GPC5: variants seen among roughly 807,000 people sequenced by gnomAD.
GPC5 encodes the protein glypican 5, also known as glypican-5.
A neutral mutation model predicts 53.9 loss-of-function variants in GPC5; 47 were observed. The ratio of observed to expected loss-of-function variants is 0.87; its 90% confidence interval spans 0.69 to 1.11. GPC5 has a LOEUF of 1.11. Among genes scored for constraint, GPC5 ranks in the 50% most tolerant of loss-of-function variants. The pLI, the probability that GPC5 is intolerant of heterozygous loss-of-function variation, is 0.00. For synonymous variants in GPC5, 286 were observed against 263.3 expected, an observed-to-expected ratio of 1.09 and a Z score of -0.84; for missense variants, 748 against 713.1, an observed-to-expected ratio of 1.05 and a Z score of -0.56.
intron 6 of GPC5, among the ~76,000 whole-genome samples, chr13:92,104,754 C>T (rs2041494703): frequency 6.6e-6 from 1 of 152,066 alleles, no homozygotes; most frequent in Admixed American, 6.6e-5. Flanking sequence ...GAGGTCCTTA[C>T]TGAGAGTTTT....
At chr13:92,577,210 C>T (rs1388282985) in intron 7 of GPC5, among the ~76,000 whole-genome samples, 1 of 152,026 alleles carries the variant, frequency 6.6e-6, no homozygotes, top group Non-Finnish European at 1.5e-5. Flanking sequence ...ACTTTGGTTC[C>T]CTTTACTTAG....
intron 7 of GPC5, among the ~76,000 whole-genome samples, chr13:92,161,543 G>T (rs1593946289): frequency 1.3e-5 from 2 of 152,076 alleles, no homozygotes; most frequent in African/African-American, 4.8e-5. Flanking sequence ...ATATTCAAAA[G>T]ATCAAAACTG....
intron 6 of GPC5, among the ~76,000 whole-genome samples, chr13:91,917,191 CA>C (rs1487614951): frequency 3.9e-5 from 6 of 152,134 alleles, no homozygotes; most frequent in Non-Finnish European, 7.3e-5. Context: ...ACACCCATTC[CA>C]AATGGGATAA....
At chr13:92,042,173 T>C (rs1157177763) in intron 6 of GPC5, among the ~76,000 whole-genome samples, 2 of 152,260 alleles carry the variant, frequency 1.3e-5, no homozygotes, top group South Asian at 4.1e-4. Context: ...CTTCCCCCCA[T>C]GCAGCCTCCA....
chr13:91,513,891 A>G (rs1203399322), intron 2 of GPC5, among the ~76,000 whole-genome samples: 1 of 152,194 alleles, frequency 6.6e-6, no homozygotes, highest in Non-Finnish European at 1.5e-5. Context: ...GGAATATTGT[A>G]TGAATGGAAT....
chr13:92,474,147 GTT>G (rs3064719), intron 7 of GPC5, among the ~76,000 whole-genome samples: 42,116 of 147,934 alleles, frequency 0.28, 6,300 homozygotes, highest in East Asian at 0.41. Context: ...CCATTGATCT[GTT>G]TTTTTTTTTT....
Position 91,760,555 on chromosome 13 carries a change from C to T in GPC5, c.1280+4135C>T, listed in dbSNP as rs557785071. Among the ~76,000 whole-genome samples the T allele has an allele frequency of 2.0e-5, 3 of 152,278 alleles. No homozygotes were observed. In the South Asian group the frequency reaches 6.2e-4, roughly 32 times the overall value. The stretch of plus-strand genomic sequence containing the variant: ...TTCATTCTAGAGGAGTTAAGCCAAA[C>T]ACATCAATAGGTCAAATTGGTGGCC... On this transcript the variant is annotated intron_variant, in intron 5 of 7. Coordinates refer to ENST00000377067, the MANE Select transcript of GPC5 (RefSeq NM_004466.6).
intron 7 of GPC5, among the ~76,000 whole-genome samples, chr13:92,511,426 C>T (rs1880560034): frequency 6.6e-6 from 1 of 152,172 alleles, no homozygotes; most frequent in Non-Finnish European, 1.5e-5. Context: ...AGAAATATTT[C>T]CTAACGGTCA....
chr13:91,979,221 A>AT (rs71700647), intron 6 of GPC5, among the ~76,000 whole-genome samples: 6,647 of 150,660 alleles, frequency 0.044, 177 homozygotes, highest in Middle Eastern at 0.079. Flanking sequence ...GCCCATAGTG[A>AT]TTTTTTTTTT....
At chr13:92,578,123 A>G (rs1883247321) in intron 7 of GPC5, among the ~76,000 whole-genome samples, 1 of 152,150 alleles carries the variant, frequency 6.6e-6, no homozygotes, top group Non-Finnish European at 1.5e-5. Context: ...CTCCTTTTGC[A>G]GTAGAGGTGG....
chr13:91,629,418 G>A (rs144407745), intron 2 of GPC5, among the ~76,000 whole-genome samples: 21 of 152,062 alleles, frequency 1.4e-4, no homozygotes, highest in African/African-American at 2.9e-4. Context: ...CAAGGTGGGC[G>A]GATCACCTGA....
intron 7 of GPC5, among the ~76,000 whole-genome samples, chr13:92,168,223 A>G (rs944527085): frequency 5.3e-5 from 8 of 152,196 alleles, no homozygotes; most frequent in African/African-American, 1.9e-4. Context: ...AAAACCCAAA[A>G]CTATAAAAAC....
rs776168544 is a variant in GPC5, at chr13:92,665,948, T to C, written c.1562-200334T>C. ...CCACCAACTGATTAGTTTGTTGTTA[T>C]AAAGTGCAAATGCCCTGTGATATAA... is the stretch of plus-strand genomic sequence containing the variant. On this transcript the variant is annotated intron_variant, in intron 7 of 7. Transcript: ENST00000377067. Among the ~76,000 whole-genome samples the C allele has an allele frequency of 8.9e-4, 135 of 152,314 alleles. 2 individuals are homozygous for C. The highest frequency in any genetic ancestry group is 2.2e-3 in the Admixed American group (34 of 15,290).
intron 6 of GPC5, among the ~76,000 whole-genome samples, chr13:91,983,002 TA>T (rs1003061358): frequency 7.9e-5 from 12 of 151,466 alleles, no homozygotes; most frequent in African/African-American, 2.7e-4. Flanking sequence ...TATTATCCCA[TA>T]GAAAGAGTTA....
At chr13:91,878,232 A>T (rs997956734) in intron 5 of GPC5, among the ~76,000 whole-genome samples, 24 of 152,226 alleles carry the variant, frequency 1.6e-4, no homozygotes, top group African/African-American at 5.5e-4. Flanking sequence ...TGTTCATATA[A>T]GGAGTAATTA....
chr13:91,474,495 G>T (rs1882815222), intron 2 of GPC5, among the ~76,000 whole-genome samples: 1 of 152,014 alleles, frequency 6.6e-6, no homozygotes, highest in Non-Finnish European at 1.5e-5. Flanking sequence ...AAATCTGTCA[G>T]TTTCTCAATC....
intron 6 of GPC5, among the ~76,000 whole-genome samples, chr13:92,064,100 C>A (rs2041145805): frequency 1.3e-5 from 2 of 152,082 alleles, no homozygotes; most frequent in Non-Finnish European, 2.9e-5. Flanking sequence ...TCTCAAATTT[C>A]TAAGTATAGG....
chr13:92,302,152 T>C (rs1232430872), intron 7 of GPC5, among the ~76,000 whole-genome samples: 1 of 152,194 alleles, frequency 6.6e-6, no homozygotes, highest in Non-Finnish European at 1.5e-5. Flanking sequence ...TATACTTTAG[T>C]CACCCATTCC....
intron 2 of GPC5, among the ~76,000 whole-genome samples, chr13:91,615,820 C>T (rs1273592613): frequency 6.6e-6 from 1 of 152,110 alleles, no homozygotes; most frequent in Non-Finnish European, 1.5e-5. Flanking sequence ...CAATGATAAA[C>T]TCATCCTAAC....
Sources: gnomAD v4.1 joint callset for allele counts (sites outside exome capture counted in the v4.1 genomes callset) on GRCh38, gnomAD v4.1.1 for gene constraint, MANE v1.5 for transcripts, NCBI Gene and HGNC (gene_info 2026-07-23, HGNC 2026-07-21) for gene names.